Variants in RAD51D observed in about 807,000 individuals in gnomAD.
The protein encoded by RAD51D is DNA repair protein RAD51 homolog 4.
In RAD51D, 38 loss-of-function variants were observed where a neutral mutation model predicts 44.1. The ratio of observed to expected loss-of-function variants is 0.86; its 90% CI spans 0.67 to 1.13. The LOEUF (loss-of-function observed/expected upper bound fraction) is 1.13. Ranked by LOEUF, RAD51D falls within the 50% of genes most tolerant of loss-of-function variation. The probability of loss-of-function intolerance (pLI) is 0.00; values close to 1 mark genes in which losing one functional copy is unlikely to be tolerated. For missense variants in RAD51D, 390 were observed against 414.0 expected, an observed-to-expected ratio of 0.94 and a Z score of 0.50; for synonymous variants, 141 against 166.6, an observed-to-expected ratio of 0.85 and a Z score of 1.18.
chr17:35,102,392 T>G (rs1027759251), intron 8 of RAD51D, among the ~76,000 whole-genome samples: 1 of 152,144 alleles, frequency 6.6e-6, no homozygotes, highest in African/African-American at 2.4e-5. Context: ...CCACCAGCCT[T>G]GGCTTCTCAA....
intron 8 of RAD51D, among the ~76,000 whole-genome samples, chr17:35,102,976 A>G (rs1318239049): frequency 1.3e-5 from 2 of 152,228 alleles, no homozygotes; most frequent in Non-Finnish European, 2.9e-5. Flanking sequence ...CCATTAGTCA[A>G]ACTTCAAACA....
At position 35,100,249 on chromosome 17, in the gene RAD51D, C is replaced by T. The variant is rs2091518709; in HGVS notation, c.*704G>A. 1.9e-6 allele frequency: 1 copy of T among 533,394 alleles called. No individual in the cohort carries two copies. The highest frequency in any genetic ancestry group is 1.5e-5 in the South Asian group (1 of 65,172). The allele number at this position is 533,394 out of a possible 1,614,324, so 33.0% of individuals were successfully genotyped here. A position where few individuals can be genotyped will look rare whatever the true frequency, so the allele number is the denominator to read the frequency against. ...GAACTGCAGCGAGCCCACACGTTCT[C>T]ACCTAGTCATGGTGATGCAGGCAGG... On this transcript the variant is annotated 3_prime_UTR_variant, in exon 10 of 10. Coordinates refer to ENST00000345365, the MANE Select transcript of RAD51D (RefSeq NM_002878.4).
At position 35,101,281 on chromosome 17, in the gene RAD51D, G is replaced by A. The variant is rs752780416; in HGVS notation, c.823C>T (p.Arg275Trp). 9.3e-6 allele frequency: 15 copies of A among 1,614,012 alleles called. No homozygotes were observed. Among genetic ancestry groups the A allele is most frequent in the Admixed American group, 5.0e-5 (3 of 60,002 alleles). The change falls in exon 9 of 10, where the codon CGG becomes TGG. Residue 275 changes from arginine (R) to tryptophan (W), a missense_variant. By Grantham distance (101) the Arg-to-Trp change is moderately radical. Transcript: ENST00000345365. ...CCCTCGATGGTGTCCAGGAGAATCC[G>A]AGTGCTGGGCACAAAGCTCCAGGAG... The part of the protein sequence containing the change: ...GRSWSFVPST[R>W]ILLDTIEGAG...
intron 2 of RAD51D, 35 bp from the exon 3 acceptor site, chr17:35,118,654 T>A: frequency 2.6e-6 from 4 of 1,542,832 alleles, no homozygotes; most frequent in Non-Finnish European, 3.6e-6. Context: ...AGCAACAAAT[T>A]GCCCGTAGAA....
In RAD51D at chr17:35,101,217, G is replaced by C; in HGVS notation, c.887C>G (p.Ala296Gly). 1 of 1,614,100 alleles carries C rather than the reference G, an allele frequency of 6.2e-7. No homozygotes were observed. Among genetic ancestry groups the C allele is most frequent in the Non-Finnish European group, 8.5e-7 (1 of 1,180,008 alleles). The change falls in exon 9 of 10, where the codon GCC (alanine) becomes GGC (glycine). Residue 296 changes from alanine (A) to glycine (G), a missense_variant. By Grantham distance (60) the Ala-to-Gly change is moderately conservative (BLOSUM62 0). Transcript: ENST00000345365. ...ASGGRRMACL[A>G]KSSRQPTGFQ... ...CTGGCTCACCTGTCGGGAAGATTTG[G>C]CCAGACACGCCATGCGCCGGCCGCC...
Position 35,099,552 on chromosome 17 carries a change from C to A in RAD51D, c.*1401G>T, listed in dbSNP as rs1230233841. ...AAGCAAGCGCTAGGATTCCCCCAGG[C>A]TTAGGCTTACCAACCCTGTCCTGAA... On this transcript the variant is annotated 3_prime_UTR_variant, in exon 10 of 10. Coordinates refer to ENST00000345365, the MANE Select transcript of RAD51D (RefSeq NM_002878.4). The A allele has an allele frequency of 3.2e-6, 1 of 308,554 alleles. No homozygotes were observed. 19.1% of individuals were successfully genotyped at this position (308,554 alleles called of 1,614,324 possible).
intron 3 of RAD51D, among the ~76,000 whole-genome samples, chr17:35,117,508 T>A (rs970695865): frequency 6.6e-6 from 1 of 152,190 alleles, no homozygotes; most frequent in Non-Finnish European, 1.5e-5. Flanking sequence ...CTCCTTTTTT[T>A]TGAGAGAGTC....
Position 35,117,943 on chromosome 17 carries a change from T to C in RAD51D, c.263+558A>G, listed in dbSNP as rs149329919. ...CTAAACTCAAGTAGGGTTAATTATC[T>C]CTAACTGGTAGAGTCACTGAAGAGA... is the stretch of plus-strand genomic sequence containing the variant. On this transcript the variant is annotated intron_variant, in intron 3 of 9. Transcript: ENST00000345365. 2.6e-5 allele frequency among the ~76,000 whole-genome samples: 4 copies of C among 152,290 alleles called. No individual in the cohort carries two copies. The East Asian group carries it at 7.7e-4, about 29-fold the overall frequency.
intron 6 of RAD51D, 159 bp downstream of exon 6, chr17:35,106,227 T>C (rs761286307): frequency 1.4e-4 from 108 of 757,262 alleles, no homozygotes; most frequent in Middle Eastern, 9.1e-4. Context: ...AGGTATGTGA[T>C]TTAGGTGCTC....
At chr17:35,116,505 ATTTTTTTGAGATGGAG>A (rs2091749075) in intron 3 of RAD51D, among the ~76,000 whole-genome samples, 1 of 151,382 alleles carries the variant, frequency 6.6e-6, no homozygotes, top group South Asian at 2.1e-4. Flanking sequence ...ATTTTATTTT[ATTTTTTTGAGATGGAG>A]TCTTGCCCTG....
intron 3 of RAD51D, among the ~76,000 whole-genome samples, chr17:35,111,273 G>C (rs1483713192): frequency 7.4e-6 from 1 of 134,650 alleles, no homozygotes; most frequent in African/African-American, 2.8e-5. Flanking sequence ...AGAATCGCTT[G>C]AACCCGGGAG....
At chr17:35,115,166 G>A in intron 3 of RAD51D, 7 of 444,888 alleles carry the variant, frequency 1.6e-5, no homozygotes, top group South Asian at 1.1e-4. Flanking sequence ...GTACACCTGG[G>A]TTTTACCACT....
At position 35,098,297 on chromosome 17, in the gene RAD51D, T is replaced by C. The variant is rs766364560; in HGVS notation, c.*2656A>G. 7 of 151,936 alleles carry C rather than the reference T, an allele frequency of 4.6e-5. No homozygotes were observed. Among genetic ancestry groups the C allele is most frequent in the Non-Finnish European group, 8.8e-5 (6 of 67,980 alleles). The allele number at this position is 151,936 out of a possible 1,614,324, so 9.4% of individuals were successfully genotyped here. Reference sequence around the variant, plus strand: ...TTGCCCAGGCTGGAGTGCAGTGGCATGATCGCAGGTCATTGCAACCTCTGC... The same window carrying C: ...TTGCCCAGGCTGGAGTGCAGTGGCACGATCGCAGGTCATTGCAACCTCTGC... On this transcript the variant is annotated 3_prime_UTR_variant, in exon 10 of 10. Transcript: ENST00000345365.
At chr17:35,107,727 T>C (rs560578016) in intron 3 of RAD51D, among the ~76,000 whole-genome samples, 2 of 145,002 alleles carry the variant, frequency 1.4e-5, no homozygotes, top group East Asian at 4.4e-4. Context: ...TCTCAGGCCC[T>C]GTGGGTTTCC....
rs1456374703 is a variant in RAD51D, at chr17:35,119,707, T to C, written c.-94A>G. On this transcript the variant is annotated 5_prime_UTR_variant, in exon 1 of 10. Transcript: ENST00000345365. Reference sequence around the variant, plus strand: ...CAGACGCCCCTCCCCTACCCCTTCCTAGAGAGGACACAGGCGCGCTGGCTG... The same window carrying C: ...CAGACGCCCCTCCCCTACCCCTTCCCAGAGAGGACACAGGCGCGCTGGCTG... The C allele has an allele frequency of 2.3e-6, 3 of 1,287,956 alleles. No homozygotes were observed. In the South Asian group the frequency reaches 3.6e-5, roughly 15 times the overall value. The allele number at this position is 1,287,956 out of a possible 1,614,324, so 79.8% of individuals were successfully genotyped here. A position where few individuals can be genotyped will look rare whatever the true frequency, so the allele number is the denominator to read the frequency against.
rs189262664 is a variant in RAD51D, at chr17:35,092,421, G to A, written c.*8532C>T. On this transcript the variant is annotated 3_prime_UTR_variant, in exon 10 of 10. Coordinates refer to ENST00000345365, the MANE Select transcript of RAD51D (RefSeq NM_002878.4). ...AGAGCTGGAAGAATTAATAGTGACC[G>A]ACCACCTACTATGTGCCAGACTCTC... 9 of 152,226 alleles carry A rather than the reference G, an allele frequency of 5.9e-5. No homozygotes were observed. Among genetic ancestry groups the A allele is most frequent in the East Asian group, 1.9e-4 (1 of 5,188 alleles). 9.4% of individuals were successfully genotyped at this position (152,226 alleles called of 1,614,324 possible).
At chr17:35,108,652 C>T (rs1251617904) in intron 3 of RAD51D, among the ~76,000 whole-genome samples, 1 of 152,054 alleles carries the variant, frequency 6.6e-6, no homozygotes, top group East Asian at 1.9e-4. Context: ...CATTTTATCA[C>T]ATATGTAGAT....
In RAD51D at chr17:35,116,003, A is replaced by AAGAG. The variant is rs1567733742; in HGVS notation, c.263+2497_263+2498insCTCT. Among the ~76,000 whole-genome samples, 7 of 151,572 alleles carry AAGAG rather than the reference A, an allele frequency of 4.6e-5. No individual in the cohort carries two copies. In the South Asian group the frequency reaches 1.5e-3, roughly 32 times the overall value. ...AAAGAAAGAAAGAAAGAAAGAAAGA[A>AAGAG]AGAAAGAAAGGCTAGAAACCTGGTG... On this transcript the variant is annotated intron_variant, in intron 3 of 9. Transcript: ENST00000345365.
intron 3 of RAD51D, among the ~76,000 whole-genome samples, chr17:35,115,956 G>GGAAAGAAAGAAAGAA (rs2091736009): frequency 1.5e-5 from 1 of 65,274 alleles, no homozygotes; most frequent in Non-Finnish European, 2.9e-5. Context: ...AAGGAAGAAA[G>GGAAAGAAAGAAAGAA]GAAAGAAAGA....
Sources: allele counts gnomAD v4.1 joint callset (sites outside exome capture counted in the v4.1 genomes callset), GRCh38; gene constraint gnomAD v4.1.1; transcripts MANE v1.5; gene names NCBI Gene and HGNC (gene_info 2026-07-23, HGNC 2026-07-21).